MST1: variants seen among roughly 807,000 people sequenced by gnomAD.
MST1 encodes the protein hepatocyte growth factor-like protein.
MST1 carries 76 observed loss-of-function variants against 100.1 expected under a neutral mutation model. That is an observed-to-expected ratio of 0.76 (90% CI 0.63 to 0.92). The LOEUF (loss-of-function observed/expected upper bound fraction) is 0.92. Among genes scored for constraint, MST1 ranks in the 40% least tolerant of loss-of-function variants. The probability of loss-of-function intolerance (pLI) is 0.00; values close to 1 mark genes in which losing one functional copy is unlikely to be tolerated. For synonymous variants in MST1, 352 were observed against 385.4 expected (o/e 0.91, Z 1.01); for missense variants, 850 against 990.0 (o/e 0.86, Z 1.90).
chr3:49,685,941 T>C lies in MST1; in HGVS notation c.1169A>G (p.Glu390Gly). 1.9e-6 allele frequency: 3 copies of C among 1,609,710 alleles called. No homozygotes were observed. The highest frequency in any genetic ancestry group is 2.5e-6 in the Non-Finnish European group (3 of 1,179,238). Residue 390 changes from glutamate (E) to glycine (G), a missense_variant, in exon 10 of 18, where the codon GAG becomes GGG. Physicochemically the swap from Glu to Gly is moderately conservative, Grantham distance 98 (BLOSUM62 -2). Transcript: ENST00000449682. ...RPQDCYHGAG[E>G]QYRGTVSKTR... Reference sequence around the variant, plus strand: ...CTTGCTGACCGTGCCGCGGTACTGCTCCCCTGCGCCGTGGTAGCAGTCTGT... The same window carrying C: ...CTTGCTGACCGTGCCGCGGTACTGCCCCCCTGCGCCGTGGTAGCAGTCTGT...
chr3:49,686,579 G>A, intron 7 of MST1, 98 bp from the exon 8 acceptor site: 1 of 1,558,778 alleles, frequency 6.4e-7, no homozygotes, highest in East Asian at 2.4e-5. Context: ...GTACTCCACG[G>A]GGTATGCTCT....
intron 6 of MST1, 66 bp downstream of exon 6, chr3:49,686,881 C>G: frequency 6.2e-7 from 1 of 1,611,970 alleles, no homozygotes; most frequent in Non-Finnish European, 8.5e-7. Flanking sequence ...TACACGGAGC[C>G]CTGCCCCTGG....
rs1220426476 is a variant in MST1 at position 49,686,476 on chromosome 3, C to T, written c.853G>A (p.Glu285Lys). The T allele has an allele frequency of 6.2e-7, 1 of 1,612,406 alleles. No individual in the cohort carries two copies. Among genetic ancestry groups the T allele is most frequent in the Non-Finnish European group, 8.5e-7 (1 of 1,179,780 alleles). Residue 285 changes from glutamate (E) to lysine (K), a missense_variant, in exon 8 of 18, where the codon GAG (glutamate) becomes AAG (lysine). This residue lies in a region of MST1 where 816 missense variants were observed against 924.6 expected (regional missense o/e 0.88). Coordinates refer to ENST00000449682, the MANE Select transcript of MST1 (RefSeq NM_020998.4). ...GTGGCCTCTTGGCGGGGCTGTGCCT[C>T]GGACCCTTAGATGGACCGAGATAGG... Reference protein sequence around the residue: ...EFCDLPRCGSEAQPRQEATTV... With the variant: ...EFCDLPRCGSKAQPRQEATTV...
rs778845241 is a variant in MST1 at position 49,684,561 on chromosome 3, C to T, written c.1865G>A (p.Gly622Asp). ...PGTKCEIAGW[G>D]ETKGTGNDTV... ...CACTGTGCTCTTACCTTTGGTCTCACCCCAGCCTGCAATCTCACACTTGGT... is the reference window on the plus strand; with the variant it reads ...CACTGTGCTCTTACCTTTGGTCTCATCCCAGCCTGCAATCTCACACTTGGT... The change falls in exon 16 of 18, where the codon GGT becomes GAT. Residue 622 changes from glycine (G) to aspartate (D), a missense_variant. By Grantham distance (94) the Gly-to-Asp change is moderately conservative. Around this residue, in one of 2 missense-constraint regions of MST1, gnomAD observed 816 missense variants for 924.6 expected, o/e 0.88. Transcript: ENST00000449682. The T allele has an allele frequency of 1.4e-5, 23 of 1,613,776 alleles. No homozygotes were observed. Among genetic ancestry groups the T allele is most frequent in the East Asian group, 2.2e-5 (1 of 44,888 alleles).
Position 49,686,817 on chromosome 3 carries a change from G to A in MST1, c.729-15C>T, listed in dbSNP as rs748871525. The A allele has an allele frequency of 3.7e-6, 6 of 1,612,496 alleles. No individual in the cohort carries two copies. Among genetic ancestry groups the A allele is most frequent in the South Asian group, 2.2e-5 (2 of 91,024 alleles). ...GGTCGAGGAACCTGGGGGCGGTAAT[G>A]GGGCGTGAACAAGACCCTGGGACTC... On this transcript the variant is annotated splice_polypyrimidine_tract_variant and intron_variant, in intron 6 of 17. Coordinates refer to ENST00000449682, the MANE Select transcript of MST1 (RefSeq NM_020998.4).
rs762977639 is a variant in MST1 at position 49,686,302 on chromosome 3, C to CA, written c.1016+10_1016+11insT. On this transcript the variant is annotated intron_variant, in intron 8 of 17. Coordinates refer to ENST00000449682, the MANE Select transcript of MST1 (RefSeq NM_020998.4). ...GCACGTCCCAACGCCCGCCCCCCCC[C>CA]CCCACCTCACTTGCACGCGTATTTT... 2.1e-6 allele frequency: 3 copies of CA among 1,415,036 alleles called. No individual in the cohort carries two copies. Among genetic ancestry groups the CA allele is most frequent in the South Asian group, 1.2e-5 (1 of 80,756 alleles). The allele number at this position is 1,415,036 out of a possible 1,614,324, so 87.7% of individuals were successfully genotyped here.
rs2053787655 is a variant in MST1 at position 49,686,704 on chromosome 3, A to G, written c.827T>C (p.Phe276Ser). 2 of 1,577,972 alleles carry G rather than the reference A, an allele frequency of 1.3e-6. No homozygotes were observed. Among genetic ancestry groups the G allele is most frequent in the Non-Finnish European group, 1.7e-6 (2 of 1,162,682 alleles). ...YTTDPQIERE[F>S]CDLPRCGSEA... ...CCTACCGCAGCGGGGGAGGTCACAG[A>G]ACTCTCGCTCGATCTGCGGATCCGT... is the stretch of plus-strand genomic sequence containing the variant. Residue 276 changes from phenylalanine to serine, a missense_variant, in exon 7 of 18, where the codon TTC becomes TCC. Transcript: ENST00000449682.
chr3:49,685,905 C>T lies in MST1; in HGVS notation c.1205G>A (p.Gly402Asp). The T allele has an allele frequency of 6.2e-7, 1 of 1,609,292 alleles. No individual in the cohort carries two copies. The highest frequency in any genetic ancestry group is 1.3e-5 in the African/African-American group (1 of 74,976). The change falls in exon 10 of 18, where the codon GGT (glycine) becomes GAT (aspartate). Residue 402 changes from glycine (G) to aspartate (D), a missense_variant. By Grantham distance (94) the Gly-to-Asp change is moderately conservative. Transcript: ENST00000449682. ...YRGTVSKTRK[G>D]VQCQRWSAET... The stretch of plus-strand genomic sequence containing the variant: ...AGCGGACCAGCGCTGGCACTGGACA[C>T]CCTTGCGGGTCTTGCTGACCGTGCC...
chr3:49,684,158 G>C lies in MST1; in HGVS notation c.2048C>G (p.Thr683Ser), dbSNP rs1325571922. The change falls in exon 18 of 18, where the codon ACC (threonine) becomes AGC (serine). Residue 683 changes from threonine (T) to serine (S), a missense_variant. Thr to Ser is a moderately conservative substitution (Grantham distance 58). This residue lies in a region of MST1 where 816 missense variants were observed against 924.6 expected (regional missense o/e 0.88). Transcript: ENST00000449682. The stretch of plus-strand genomic sequence containing the variant: ...TCCTTCCAGGACCCAGCAGTTGTGG[G>C]TAAAGCAGGCAAGTGGGCCCCCGTA... ...GDYGGPLACF[T>S]HNCWVLEGII... 8.1e-6 allele frequency: 13 copies of C among 1,613,134 alleles called. No individual in the cohort carries two copies. Among genetic ancestry groups the C allele is most frequent in the Admixed American group, 1.7e-5 (1 of 59,988 alleles).
Position 49,686,316 on chromosome 3 carries a change from C to T in MST1, c.1013G>A (p.Cys338Tyr). The change falls in exon 8 of 18, where the codon TGC becomes TAC. Residue 338 changes from cysteine to tyrosine, a missense_variant. Coordinates refer to ENST00000449682, the MANE Select transcript of MST1 (RefSeq NM_020998.4). ...QHRFTPEKYACKDLRENFCRN... is the reference protein window; with the variant it reads ...QHRFTPEKYAYKDLRENFCRN... The stretch of plus-strand genomic sequence containing the variant: ...CCGCCCCCCCCCCCCACCTCACTTG[C>T]ACGCGTATTTTTCTGGCGTAAATCG... The T allele has an allele frequency of 6.6e-7, 1 of 1,512,886 alleles. No homozygotes were observed. 93.7% of individuals were successfully genotyped at this position (1,512,886 alleles called of 1,614,324 possible).
In MST1 at chr3:49,688,947, A is replaced by G. The variant is rs1010297678; in HGVS notation, c.-256T>C. The G allele has an allele frequency of 5.2e-5, 19 of 365,752 alleles. No homozygotes were observed. The highest frequency in any genetic ancestry group is 7.1e-5 in the Non-Finnish European group (14 of 197,122). The allele number at this position is 365,752 out of a possible 1,614,324, so 22.7% of individuals were successfully genotyped here. On this transcript the variant is annotated 5_prime_UTR_variant, in exon 1 of 18. Transcript: ENST00000449682. Reference sequence around the variant, plus strand: ...GCCTAGTCAGCCCAAGGGCATTGTGAAAGTGAGAGCTGCCAGAGGTCTGGG... The same window carrying G: ...GCCTAGTCAGCCCAAGGGCATTGTGGAAGTGAGAGCTGCCAGAGGTCTGGG...
intron 6 of MST1, 23 bp downstream of exon 6, chr3:49,686,924 A>T: frequency 6.2e-7 from 1 of 1,611,626 alleles, no homozygotes; most frequent in Non-Finnish European, 8.5e-7. Flanking sequence ...GGCCCCCAGG[A>T]CGCCGATACC....
chr3:49,687,530 C>A, intron 3 of MST1, 26 bp downstream of exon 3: 1 of 1,613,446 alleles, frequency 6.2e-7, no homozygotes, highest in South Asian at 1.1e-5. Context: ...CTGTCTCCCA[C>A]CCTGCCCCTC....
intron 6 of MST1, 41 bp from the exon 7 acceptor site, chr3:49,686,843 T>C (rs777151404): frequency 1.2e-6 from 2 of 1,612,480 alleles, no homozygotes; most frequent in Non-Finnish European, 8.5e-7. Flanking sequence ...CCTGGGACTC[T>C]GGCTTATCTG....
chr3:49,688,001 G>T (rs1424800806), intron 1 of MST1, 104 bp from the exon 2 acceptor site: 5 of 1,200,686 alleles, frequency 4.2e-6, no homozygotes, highest in Non-Finnish European at 5.5e-6. Flanking sequence ...AAGCTACAAG[G>T]CTTCTGGGAT....
rs753402776 is a variant in MST1, at chr3:49,684,344, C to T, written c.1986G>A (p.Glu662=). Residue 662 remains glutamate (E), a synonymous_variant, in exon 17 of 18, where the codon GAG becomes GAA. Transcript: ENST00000449682. ...GRVRESEMCT[E]GLLAPVGACE... ...AGGCCCCCACAGGGGCCAACAGTCC[C>T]TCAGTGCACATCTCACTCTCCCGCA... 23 of 1,613,110 alleles carry T rather than the reference C, an allele frequency of 1.4e-5. No homozygotes were observed. The East Asian group carries it at 4.9e-4, about 34-fold the overall frequency.
chr3:49,685,877 C>G lies in MST1; in HGVS notation c.1233G>C (p.Glu411Asp). 1 of 1,608,454 alleles carries G rather than the reference C, an allele frequency of 6.2e-7. No homozygotes were observed. The highest frequency in any genetic ancestry group is 8.5e-7 in the Non-Finnish European group (1 of 1,178,780). The change falls in exon 10 of 18, where the codon GAG becomes GAC. Residue 411 changes from glutamate to aspartate, a missense_variant. Physicochemically the swap from Glu to Asp is conservative, Grantham distance 45. This residue lies in a region of MST1 where 816 missense variants were observed against 924.6 expected (regional missense o/e 0.88). Coordinates refer to ENST00000449682, the MANE Select transcript of MST1 (RefSeq NM_020998.4). ...KGVQCQRWSA[E>D]TPHKPQFTFT... ...GGACTCACTGCGGCTTGTGCGGCGT[C>G]TCAGCGGACCAGCGCTGGCACTGGA... is the stretch of plus-strand genomic sequence containing the variant.
chr3:49,687,222 G>C lies in MST1; in HGVS notation c.534C>G (p.Pro178=). ...CTGTTGTGTAGCACCAAGGACCTCC[G>C]GGGTCGCCATCAGGGTTACGGCAGA... ...ENFCRNPDGD[P]GGPWCYTTDP... Residue 178 remains proline, a synonymous_variant, in exon 5 of 18, where the codon CCC becomes CCG. Coordinates refer to ENST00000449682, the MANE Select transcript of MST1 (RefSeq NM_020998.4). 6 of 1,613,496 alleles carry C rather than the reference G, an allele frequency of 3.7e-6. No individual in the cohort carries two copies. The highest frequency in any genetic ancestry group is 5.1e-6 in the Non-Finnish European group (6 of 1,179,868).
Position 49,685,683 on chromosome 3 carries a change from G to T in MST1, c.1300C>A (p.Arg434=). 1 of 1,613,402 alleles carries T rather than the reference G, an allele frequency of 6.2e-7. No homozygotes were observed. Among genetic ancestry groups the T allele is most frequent in the Non-Finnish European group, 8.5e-7 (1 of 1,179,860 alleles). ...CCATGGCTATCCCCATCTGGGTTCC[G>T]GCAGAAGTTCTCCTCCAGTTGTGCA... ...PHAQLEENFC[R]NPDGDSHGPW... Residue 434 remains arginine (R), a synonymous_variant, in exon 11 of 18, where the codon CGG becomes AGG. Transcript: ENST00000449682.
Sources: gnomAD v4.1 joint callset for allele counts on GRCh38, gnomAD v4.1.1 for gene constraint, gnomAD v4.1.1 regional missense constraint, MANE v1.5 for transcripts, NCBI Gene and HGNC (gene_info 2026-07-23, HGNC 2026-07-21) for gene names.